Variants in EIPR1 observed in about 807,000 individuals in gnomAD.
The protein encoded by EIPR1 is EARP complex and GARP complex interacting protein 1, also known as EARP and GARP complex-interacting protein 1.
Under a neutral mutation model 48.1 loss-of-function variants are expected in EIPR1, and 25 were observed. That is an observed-to-expected ratio of 0.52 (90% CI 0.38 to 0.73). The LOEUF is 0.73. Among genes scored for constraint, EIPR1 ranks in the 30% least tolerant of loss-of-function variants. The pLI is 0.00. For missense variants in EIPR1, 415 were observed against 506.2 expected, an observed-to-expected ratio of 0.82 and a Z score of 1.73; for synonymous variants, 204 against 201.9, an observed-to-expected ratio of 1.01 and a Z score of -0.09.
intron 4 of EIPR1, among the ~76,000 whole-genome samples, chr2:3,238,365 A>G (rs1322308778): frequency 6.6e-6 from 1 of 152,024 alleles, no homozygotes; most frequent in Non-Finnish European, 1.5e-5. Context: ...GGCTGGTGAC[A>G]CTCCAGAGCC....
intron 1 of EIPR1, among the ~76,000 whole-genome samples, chr2:3,360,904 A>T (rs951521866): frequency 9.9e-5 from 15 of 151,824 alleles, no homozygotes; most frequent in Non-Finnish European, 2.1e-4. Context: ...CAGGAAGAGG[A>T]AAGTATGGGG....
chr2:3,206,633 C>T (rs1377703766), intron 5 of EIPR1, among the ~76,000 whole-genome samples: 1 of 152,202 alleles, frequency 6.6e-6, no homozygotes, highest in Non-Finnish European at 1.5e-5. Context: ...TCCTTTGCTA[C>T]ACAAAAATCT....
intron 7 of EIPR1, among the ~76,000 whole-genome samples, chr2:3,192,953 C>T (rs1002144799): frequency 6.6e-6 from 1 of 152,218 alleles, no homozygotes; most frequent in Non-Finnish European, 1.5e-5. Flanking sequence ...ACGGCATCTT[C>T]CCAGTTGGCA....
intron 3 of EIPR1, among the ~76,000 whole-genome samples, chr2:3,315,145 T>C (rs1572431080): frequency 9.5e-6 from 1 of 105,530 alleles, no homozygotes; most frequent in Non-Finnish European, 1.7e-5. Flanking sequence ...ATCACTAGCA[T>C]CGCCCCCATG....
intron 3 of EIPR1, among the ~76,000 whole-genome samples, chr2:3,303,570 A>T (rs962440135): frequency 2.0e-5 from 3 of 152,268 alleles, no homozygotes; most frequent in African/African-American, 7.2e-5. Context: ...GTCGGGTCAC[A>T]GCGAAACTGG....
At chr2:3,246,040 C>G (rs1415260197) in intron 4 of EIPR1, among the ~76,000 whole-genome samples, 1 of 152,070 alleles carries the variant, frequency 6.6e-6, no homozygotes, top group Non-Finnish European at 1.5e-5. Flanking sequence ...GTGGTTGAGC[C>G]GTGATCACAC....
intron 3 of EIPR1, among the ~76,000 whole-genome samples, chr2:3,323,489 G>A (rs757115327): frequency 5.9e-5 from 9 of 152,196 alleles, no homozygotes; most frequent in Non-Finnish European, 8.8e-5. Context: ...CCCTGCACGC[G>A]ACAAGGTCTT....
intron 4 of EIPR1, among the ~76,000 whole-genome samples, chr2:3,228,856 C>T (rs1284336413): frequency 3.3e-5 from 5 of 152,286 alleles, no homozygotes; most frequent in South Asian, 4.1e-4. Context: ...TTCTTCTTTG[C>T]GTTCCACCAT....
intron 2 of EIPR1, among the ~76,000 whole-genome samples, chr2:3,353,845 C>T (rs1345884144): frequency 6.6e-6 from 1 of 152,130 alleles, no homozygotes; most frequent in Non-Finnish European, 1.5e-5. Context: ...TGCCATTTCC[C>T]CTGTGTGATC....
At chr2:3,327,751 G>C (rs892399541) in intron 3 of EIPR1, among the ~76,000 whole-genome samples, 1 of 152,186 alleles carries the variant, frequency 6.6e-6, no homozygotes, top group Non-Finnish European at 1.5e-5. Context: ...TGCATCCTCA[G>C]ACCTACAGTT....
At chr2:3,330,681 GAC>G (rs1491360457) in intron 3 of EIPR1, among the ~76,000 whole-genome samples, 2 of 151,826 alleles carry the variant, frequency 1.3e-5, no homozygotes, top group Non-Finnish European at 2.9e-5. Flanking sequence ...ACACACATGA[GAC>G]AGTGTAAACG....
chr2:3,302,418 G>C (rs914339071), intron 3 of EIPR1, among the ~76,000 whole-genome samples: 3 of 152,346 alleles, frequency 2.0e-5, no homozygotes, highest in African/African-American at 7.2e-5. Context: ...GCAATTAGAA[G>C]ACAATCCCTC....
chr2:3,320,904 G>A (rs7609161), intron 3 of EIPR1, among the ~76,000 whole-genome samples: 69,563 of 152,090 alleles, frequency 0.46, 17,264 homozygotes, highest in East Asian at 0.81. Context: ...ACCTGACTCT[G>A]TTTTTGTTAG....
intron 6 of EIPR1, among the ~76,000 whole-genome samples, chr2:3,194,639 T>A (rs1485752761): frequency 1.4e-5 from 2 of 147,412 alleles, no homozygotes; most frequent in African/African-American, 5.1e-5. Context: ...TACATACACA[T>A]ACAACACAAA....
intron 4 of EIPR1, among the ~76,000 whole-genome samples, chr2:3,256,907 G>A (rs557998016): frequency 3.3e-5 from 5 of 152,338 alleles, no homozygotes; most frequent in East Asian, 3.9e-4. Context: ...CTTTGTCCAC[G>A]GGAGGAAGGG....
At chr2:3,244,815 T>G (rs1168879306) in intron 4 of EIPR1, among the ~76,000 whole-genome samples, 2 of 152,240 alleles carry the variant, frequency 1.3e-5, no homozygotes, top group East Asian at 3.8e-4. Context: ...TAAGGCGTTT[T>G]CTGAGCCATT....
At chr2:3,248,685 A>T (rs4854156) in intron 4 of EIPR1, among the ~76,000 whole-genome samples, 84,443 of 152,108 alleles carry the variant, frequency 0.56, 23,793 homozygotes, top group East Asian at 0.75. Flanking sequence ...AGAATCACTT[A>T]TACTGGAAGG....
At chr2:3,255,185 ACTTT>A (rs1156553273) in intron 4 of EIPR1, among the ~76,000 whole-genome samples, 1 of 130,762 alleles carries the variant, frequency 7.6e-6, no homozygotes, top group African/African-American at 2.8e-5. Context: ...TTACTTTCTT[ACTTT>A]CTTTTTTTTT....
At chr2:3,332,179 G>T (rs1304553100) in intron 3 of EIPR1, among the ~76,000 whole-genome samples, 1 of 152,252 alleles carries the variant, frequency 6.6e-6, no homozygotes, top group Non-Finnish European at 1.5e-5. Flanking sequence ...CAAAGTTGGG[G>T]TTTTTTAATG....
Sources: gnomAD v4.1 joint callset for allele counts (sites outside exome capture counted in the v4.1 genomes callset) on GRCh38, gnomAD v4.1.1 for gene constraint, MANE v1.5 for transcripts, NCBI Gene and HGNC (gene_info 2026-07-23, HGNC 2026-07-21) for gene names.